CD44: variants seen among roughly 807,000 people sequenced by gnomAD.
The protein encoded by CD44 is CD44 antigen.
In CD44, 49 loss-of-function variants were observed where a neutral mutation model predicts 88.8. The ratio of observed to expected loss-of-function variants is 0.55; its 90% CI spans 0.44 to 0.70. CD44 has a LOEUF of 0.70. Among genes scored for constraint, CD44 ranks in the 30% least tolerant of loss-of-function variants. CD44 has a pLI of 0.00. For missense variants in CD44, 883 were observed against 913.8 expected (o/e 0.97, Z 0.43); for synonymous variants, 325 against 312.3 (o/e 1.04, Z -0.43).
At chr11:35,165,457 CCTCACAGGCTG>C (rs1229541547) in intron 1 of CD44, among the ~76,000 whole-genome samples, 1 of 152,156 alleles carries the variant, frequency 6.6e-6, no homozygotes, top group East Asian at 1.9e-4. Flanking sequence ...ACCCTCTGGG[CCTCACAGGCTG>C]CTTTTGGGTG....
intron 1 of CD44, among the ~76,000 whole-genome samples, chr11:35,173,611 G>A (rs1403891614): frequency 6.6e-6 from 1 of 152,182 alleles, no homozygotes; most frequent in Admixed American, 6.5e-5. Flanking sequence ...ATTGGCTTAT[G>A]TCTTTTCAAG....
In CD44 at chr11:35,211,343, G is replaced by A. The variant is rs774030182; in HGVS notation, c.1704G>A (p.Lys568=). 2.5e-6 allele frequency: 4 copies of A among 1,613,984 alleles called. No individual in the cohort carries two copies. In the South Asian group the frequency reaches 4.4e-5, roughly 18 times the overall value. Residue 568 remains lysine (K), a synonymous_variant, in exon 14 of 18, where the codon AAG becomes AAA. Transcript: ENST00000428726. ...EGYTSHYPHT[K]ESRTFIPVTS... ...ATACCTCTCATTACCCACACACGAA[G>A]GAAAGCAGGACCTTCATCCCAGTGA...
intron 17 of CD44, among the ~76,000 whole-genome samples, chr11:35,224,705 C>G (rs757559618): frequency 1.3e-5 from 2 of 152,140 alleles, no homozygotes; most frequent in Non-Finnish European, 2.9e-5. Context: ...GCCACTACAG[C>G]CTGGGCAACA....
chr11:35,211,299 A>G lies in CD44; in HGVS notation c.1660A>G (p.Thr554Ala), dbSNP rs1268940899. The G allele has an allele frequency of 3.7e-6, 6 of 1,614,038 alleles. No individual in the cohort carries two copies. In the South Asian group the frequency reaches 4.4e-5, roughly 12 times the overall value. ...AGACCCAAATCATTCTGAAGGCTCA[A>G]CTACTTTACTGGAAGGTTATACCTC... ...RRDPNHSEGS[T>A]TLLEGYTSHY... The change falls in exon 14 of 18, where the codon ACT (threonine) becomes GCT (alanine). Residue 554 changes from threonine to alanine, a missense_variant. Physicochemically the swap from Thr to Ala is moderately conservative, Grantham distance 58 (BLOSUM62 0). Coordinates refer to ENST00000428726, the MANE Select transcript of CD44 (RefSeq NM_000610.4).
chr11:35,167,491 C>T (rs1943426175), intron 1 of CD44, among the ~76,000 whole-genome samples: 1 of 152,190 alleles, frequency 6.6e-6, no homozygotes, highest in Non-Finnish European at 1.5e-5. Flanking sequence ...TCAGAACCAG[C>T]TCAGTAAGAT....
chr11:35,141,745 A>G (rs979129233), intron 1 of CD44, among the ~76,000 whole-genome samples: 3 of 152,188 alleles, frequency 2.0e-5, no homozygotes, highest in African/African-American at 7.2e-5. Context: ...GCCAGTAGCA[A>G]TAACTGCCCC....
intron 10 of CD44, 82 bp from the exon 11 acceptor site, chr11:35,206,030 T>G: frequency 6.9e-7 from 1 of 1,452,424 alleles, no homozygotes; most frequent in Non-Finnish European, 9.1e-7. Context: ...GAGAATAAAG[T>G]CTTTTTTAAA....
chr11:35,149,757 C>T (rs1484151951), intron 1 of CD44, among the ~76,000 whole-genome samples: 4 of 152,152 alleles, frequency 2.6e-5, no homozygotes, highest in Non-Finnish European at 5.9e-5. Flanking sequence ...AACACAAAAC[C>T]ACCATAAGGC....
chr11:35,180,456 G>C (rs1944882160), intron 3 of CD44, 49 bp downstream of exon 3: 3 of 1,608,570 alleles, frequency 1.9e-6, no homozygotes, highest in Non-Finnish European at 2.6e-6. Context: ...GTGGGAGCCT[G>C]GTCTTTGGAG....
intron 1 of CD44, among the ~76,000 whole-genome samples, chr11:35,148,546 T>A (rs1351758842): frequency 6.6e-6 from 1 of 152,374 alleles, no homozygotes; most frequent in Non-Finnish European, 1.5e-5. Flanking sequence ...ACTTGCTTTC[T>A]CCTATTGTTC....
rs190410219 is a variant in CD44, at chr11:35,206,542, C to T, written c.1414+299C>T. 2.3e-3 allele frequency among the ~76,000 whole-genome samples: 344 copies of T among 152,018 alleles called. 1 individual carries two copies. Among genetic ancestry groups the T allele is most frequent in the African/African-American group, 7.9e-3 (326 of 41,472 alleles). ...TGAAATGAATGTTGCCAACAATAAA[C>T]GCTAAAGAAATTCTGAGAACCCCTC... On this transcript the variant is annotated intron_variant, in intron 11 of 17. Coordinates refer to ENST00000428726, the MANE Select transcript of CD44 (RefSeq NM_000610.4).
chr11:35,198,932 C>T lies in CD44; in HGVS notation c.922+686C>T, dbSNP rs1947028965. On this transcript the variant is annotated intron_variant, in intron 7 of 17. Coordinates refer to ENST00000428726, the MANE Select transcript of CD44 (RefSeq NM_000610.4). The stretch of plus-strand genomic sequence containing the variant: ...AGGAGATCGCGCCACTGCACTCCAG[C>T]ACTCTAACCTGGGTGACAGAGCCAG... 2.7e-5 allele frequency among the ~76,000 whole-genome samples: 4 copies of T among 147,616 alleles called. No individual in the cohort carries two copies. The South Asian group carries it at 8.6e-4, about 32-fold the overall frequency.
At chr11:35,221,475 A>C (rs1949297324) in intron 16 of CD44, among the ~76,000 whole-genome samples, 179 bp from the exon 17 acceptor site, 1 of 152,228 alleles carries the variant, frequency 6.6e-6, no homozygotes, top group African/African-American at 2.4e-5. Context: ...TGTTGGACAA[A>C]TACCTTCAGC....
intron 1 of CD44, among the ~76,000 whole-genome samples, chr11:35,150,229 A>C (rs1029957304): frequency 1.3e-5 from 2 of 152,200 alleles, no homozygotes; most frequent in Non-Finnish European, 2.9e-5. Context: ...ATTCAGACAA[A>C]GCAGTACTTA....
At chr11:35,143,708 A>T (rs1165625845) in intron 1 of CD44, among the ~76,000 whole-genome samples, 1 of 142,640 alleles carries the variant, frequency 7.0e-6, no homozygotes, top group East Asian at 2.1e-4. Flanking sequence ...CAGGCTGTGG[A>T]CTCTTGGCTG....
At chr11:35,141,018 TA>T (rs113414805) in intron 1 of CD44, among the ~76,000 whole-genome samples, 9,881 of 143,626 alleles carry the variant, frequency 0.069, 501 homozygotes, top group Admixed American at 0.18. Context: ...GTGACTCTGT[TA>T]AAAAAAAAAA....
At chr11:35,223,635 G>A (rs1388894163) in intron 17 of CD44, among the ~76,000 whole-genome samples, 1 of 152,128 alleles carries the variant, frequency 6.6e-6, no homozygotes, top group Non-Finnish European at 1.5e-5. Flanking sequence ...CACAGGGTCC[G>A]GCACAGCGAG....
intron 9 of CD44, among the ~76,000 whole-genome samples, chr11:35,202,139 A>G (rs746234071): frequency 6.6e-6 from 1 of 152,154 alleles, no homozygotes; most frequent in Non-Finnish European, 1.5e-5. Context: ...CTGGAAAGAA[A>G]GTTTGTCAAG....
chr11:35,167,865 G>A (rs1943466333), intron 1 of CD44, among the ~76,000 whole-genome samples: 1 of 152,220 alleles, frequency 6.6e-6, no homozygotes, highest in Non-Finnish European at 1.5e-5. Context: ...CCTAATTGTA[G>A]AGAGAGCATT....
Sources: allele counts gnomAD v4.1 joint callset (sites outside exome capture counted in the v4.1 genomes callset), GRCh38; gene constraint gnomAD v4.1.1; transcripts MANE v1.5; gene names NCBI Gene and HGNC (gene_info 2026-07-23, HGNC 2026-07-21).